NAALADL2: variants seen among roughly 807,000 people sequenced by gnomAD.
NAALADL2 encodes the protein N-acetylated alpha-linked acidic dipeptidase like 2.
NAALADL2 carries 76 observed loss-of-function variants against 87.2 expected under a neutral mutation model. The ratio of observed to expected loss-of-function variants is 0.87; its 90% CI spans 0.72 to 1.05. The LOEUF (loss-of-function observed/expected upper bound fraction) is 1.05, where lower values mean the gene tolerates loss of function less well. Ranked by LOEUF, NAALADL2 falls within the 50% of genes least tolerant of loss-of-function variation. NAALADL2 has a pLI of 0.00. For missense variants in NAALADL2, 1,089 were observed against 945.8 expected, an observed-to-expected ratio of 1.15 and a Z score of -1.99; for synonymous variants, 354 against 331.0, an observed-to-expected ratio of 1.07 and a Z score of -0.75.
intron 2 of NAALADL2, among the ~76,000 whole-genome samples, chr3:175,110,340 A>T (rs189568745): frequency 1.0e-3 from 158 of 151,980 alleles, no homozygotes; most frequent in Non-Finnish European, 1.1e-3. Flanking sequence ...CTTTTAAAAA[A>T]TACAGGCCAT....
rs116542327 is a variant in NAALADL2 at position 175,129,275 on chromosome 3, C to T, written c.545+31984C>T. Reference sequence around the variant, plus strand: ...AGTCGAATTAACACATCCATTACTACCTATAGTTACCATTTTGTGTGTGTG... The same window carrying T: ...AGTCGAATTAACACATCCATTACTATCTATAGTTACCATTTTGTGTGTGTG... On this transcript the variant is annotated intron_variant, in intron 2 of 13. Coordinates refer to ENST00000454872, the MANE Select transcript of NAALADL2 (RefSeq NM_207015.3). Among the ~76,000 whole-genome samples the T allele has an allele frequency of 6.9e-3, 1,052 of 152,174 alleles. 11 individuals carry two copies. The highest frequency in any genetic ancestry group is 0.024 in the African/African-American group (998 of 41,520).
chr3:175,396,953 C>T (rs1769877695), intron 5 of NAALADL2, among the ~76,000 whole-genome samples: 1 of 152,082 alleles, frequency 6.6e-6, no homozygotes, highest in Non-Finnish European at 1.5e-5. Flanking sequence ...ATAAATTACC[C>T]AGTCTTGGAT....
intron 9 of NAALADL2, among the ~76,000 whole-genome samples, chr3:175,535,454 C>G (rs9835645): frequency 0.68 from 102,809 of 152,056 alleles, 37,596 homozygotes; most frequent in East Asian, 0.87. Context: ...GTTTATTTGA[C>G]AGACAGTATA....
chr3:174,710,884 T>A (rs991713560), intron 2 of NAALADL2, among the ~76,000 whole-genome samples: 3 of 152,202 alleles, frequency 2.0e-5, no homozygotes, highest in African/African-American at 7.2e-5. Context: ...ATTTACTGAG[T>A]ATGATGTTTA....
At chr3:174,553,269 A>G (rs973264110) in intron 2 of NAALADL2, among the ~76,000 whole-genome samples, 2 of 152,322 alleles carry the variant, frequency 1.3e-5, no homozygotes, top group African/African-American at 2.4e-5. Context: ...GCATAAGTGC[A>G]ATGACATGTG....
At chr3:174,574,901 T>A (rs1459578166) in intron 2 of NAALADL2, among the ~76,000 whole-genome samples, 1 of 152,006 alleles carries the variant, frequency 6.6e-6, no homozygotes, top group African/African-American at 2.4e-5. Context: ...GCAAAACGAG[T>A]TTATCCATTC....
chr3:175,015,022 G>A (rs9865132), intron 1 of NAALADL2, among the ~76,000 whole-genome samples: 56,728 of 151,978 alleles, frequency 0.37, 16,015 homozygotes, highest in African/African-American at 0.79. Flanking sequence ...TTTCTCAATA[G>A]AAAGCATGTC....
At chr3:175,302,893 A>C (rs1757264115) in intron 4 of NAALADL2, among the ~76,000 whole-genome samples, 1 of 151,556 alleles carries the variant, frequency 6.6e-6, no homozygotes, top group South Asian at 2.1e-4. Flanking sequence ...AATATTTGTG[A>C]GTAAAGGATT....
intron 13 of NAALADL2, among the ~76,000 whole-genome samples, chr3:175,782,872 T>A (rs1330181847): frequency 6.8e-6 from 1 of 147,738 alleles, no homozygotes; most frequent in East Asian, 1.9e-4. Flanking sequence ...CATCTTGAAT[T>A]GATTTTTGTA....
chr3:175,770,884 T>G (rs1749395564), intron 13 of NAALADL2, among the ~76,000 whole-genome samples: 1 of 152,198 alleles, frequency 6.6e-6, no homozygotes, highest in Admixed American at 6.6e-5. Flanking sequence ...ACATTTCCTG[T>G]GTTTCCAATT....
At chr3:175,504,523 A>G (rs1729991513) in intron 9 of NAALADL2, among the ~76,000 whole-genome samples, 2 of 151,770 alleles carry the variant, frequency 1.3e-5, no homozygotes, top group African/African-American at 4.8e-5. Flanking sequence ...GCTTTACGAG[A>G]AAAGAAAGTT....
At chr3:175,507,919 T>G (rs1232001035) in intron 9 of NAALADL2, among the ~76,000 whole-genome samples, 1 of 152,202 alleles carries the variant, frequency 6.6e-6, no homozygotes, top group East Asian at 1.9e-4. Flanking sequence ...TACCTGAGAC[T>G]GGGTGGTTCC....
At chr3:174,790,594 G>GC (rs1391091647) in intron 3 of NAALADL2, among the ~76,000 whole-genome samples, 2 of 151,520 alleles carry the variant, frequency 1.3e-5, no homozygotes, top group African/African-American at 4.9e-5. Flanking sequence ...GTTGCAATGT[G>GC]CCAAGATTGT....
At chr3:175,074,858 T>A (rs908189518) in intron 1 of NAALADL2, among the ~76,000 whole-genome samples, 1 of 151,938 alleles carries the variant, frequency 6.6e-6, no homozygotes, top group African/African-American at 2.4e-5. Context: ...TTATGTTAGT[T>A]AAGTATTCTT....
intron 9 of NAALADL2, among the ~76,000 whole-genome samples, chr3:175,495,842 T>C (rs893204875): frequency 1.4e-5 from 2 of 147,632 alleles, no homozygotes; most frequent in African/African-American, 4.9e-5. Context: ...TAACCTGCCA[T>C]TTTTTTTTAG....
chr3:175,669,849 G>A (rs532413335), intron 11 of NAALADL2, among the ~76,000 whole-genome samples: 48 of 151,912 alleles, frequency 3.2e-4, no homozygotes, highest in African/African-American at 1.2e-3. Flanking sequence ...TAGTAATAGT[G>A]AAATAGTATT....
At chr3:175,751,200 A>C (rs1033698391) in intron 12 of NAALADL2, among the ~76,000 whole-genome samples, 2 of 152,170 alleles carry the variant, frequency 1.3e-5, no homozygotes, top group African/African-American at 4.8e-5. Flanking sequence ...TCACCGTTTA[A>C]TTCCTTTATC....
At chr3:175,003,138 CATT>C (rs1030485787) in intron 1 of NAALADL2, among the ~76,000 whole-genome samples, 3 of 152,174 alleles carry the variant, frequency 2.0e-5, no homozygotes, top group African/African-American at 7.2e-5. Flanking sequence ...CTGAAATTCT[CATT>C]AAAAAATGTT....
At chr3:175,102,492 A>G (rs1004638770) in intron 2 of NAALADL2, among the ~76,000 whole-genome samples, 1 of 152,102 alleles carries the variant, frequency 6.6e-6, no homozygotes, top group African/African-American at 2.4e-5. Flanking sequence ...GTTCTTTCCC[A>G]TGGTATTTAA....
Sources: gnomAD v4.1 joint callset for allele counts (sites outside exome capture counted in the v4.1 genomes callset) on GRCh38, gnomAD v4.1.1 for gene constraint, MANE v1.5 for transcripts, NCBI Gene and HGNC (gene_info 2026-07-23, HGNC 2026-07-21) for gene names.